Variants in TJAP1 observed in about 807,000 individuals in gnomAD.
TJAP1 encodes the protein tight junction-associated protein 1.
TJAP1 carries 27 observed loss-of-function variants against 42.0 expected under a neutral mutation model. That is an observed-to-expected ratio of 0.64 (90% CI 0.47 to 0.89). The LOEUF is 0.89. TJAP1 is among the 40% of genes least tolerant of loss of function. TJAP1 has a pLI of 0.00. For missense variants in TJAP1, 712 were observed against 726.9 expected (o/e 0.98, Z 0.24); for synonymous variants, 257 against 288.4 (o/e 0.89, Z 1.10).
At position 43,502,267 on chromosome 6, in the gene TJAP1, T is replaced by C. The variant is rs781218669; in HGVS notation, c.291-16T>C. 1 of 1,613,648 alleles carries C rather than the reference T, an allele frequency of 6.2e-7. No individual in the cohort carries two copies. The highest frequency in any genetic ancestry group is 1.7e-5 in the Admixed American group (1 of 60,002). Reference sequence around the variant, plus strand: ...GATCTTGACCCAGGGATGTGCCTTGTATTATCCCTTTTCAGGCTGCAGAAC... The same window carrying C: ...GATCTTGACCCAGGGATGTGCCTTGCATTATCCCTTTTCAGGCTGCAGAAC... On this transcript the variant is annotated splice_polypyrimidine_tract_variant and intron_variant, in intron 6 of 10. Transcript: ENST00000372449.
chr6:43,489,080 G>A (rs1298551356), intron 2 of TJAP1, among the ~76,000 whole-genome samples: 1 of 152,144 alleles, frequency 6.6e-6, no homozygotes, highest in Non-Finnish European at 1.5e-5. Context: ...AAGCATCAGT[G>A]GGTGTGGATA....
chr6:43,500,842 G>C (rs1400077537), intron 5 of TJAP1, 70 bp downstream of exon 5: 6 of 1,576,164 alleles, frequency 3.8e-6, no homozygotes, highest in Non-Finnish European at 4.4e-6. Flanking sequence ...CTAGACTGTT[G>C]GTACAGTTGG....
In TJAP1 at chr6:43,491,124, C is replaced by T. The variant is rs1307116495; in HGVS notation, c.-121-6757C>T. On this transcript the variant is annotated intron_variant, in intron 2 of 10. Coordinates refer to ENST00000372449, the Ensembl canonical transcript of TJAP1. This position sits in a 1 kb window ranked among gnomAD's most constrained non-coding sequence, Gnocchi z 4.6. ...CCTTGGGCTGGGTGAGAGAAGGCAG[C>T]AGCCTACCAGCACTGGGTGGGAGCT... Among the ~76,000 whole-genome samples the T allele has an allele frequency of 1.3e-5, 2 of 152,054 alleles. No individual in the cohort carries two copies. The highest frequency in any genetic ancestry group is 2.9e-5 in the Non-Finnish European group (2 of 68,020).
chr6:43,484,451 C>T (rs969546564), intron 2 of TJAP1, among the ~76,000 whole-genome samples: 1 of 152,102 alleles, frequency 6.6e-6, no homozygotes, highest in African/African-American at 2.4e-5. Context: ...AAGAGCGAGA[C>T]TTCATCTCAA....
rs1184812486 is a variant in TJAP1 at position 43,499,065 on chromosome 6, C to T, written c.64C>T (p.Arg22Cys). ...GGCACCACCAGAGCATCGGGAGCTG[C>T]GTTTGGAAATTCCTGGATCCCGGCT... Residue 22 changes from arginine to cysteine, a missense_variant, in exon 4 of 11, where the codon CGT becomes TGT. Transcript: ENST00000372449. 3.7e-6 allele frequency: 6 copies of T among 1,614,046 alleles called. No homozygotes were observed. The highest frequency in any genetic ancestry group is 3.3e-5 in the South Asian group (3 of 91,082).
At chr6:43,498,985 A>G (rs1244627364) in exon 4 of TJAP1, 1 of 1,613,008 alleles carries the variant, frequency 6.2e-7, no homozygotes, top group South Asian at 1.1e-5. Context: ...CAGGCGGAGG[A>G]GCCGTCACCT....
intron 4 of TJAP1, among the ~76,000 whole-genome samples, chr6:43,500,212 G>T (rs1790213953): frequency 6.6e-6 from 1 of 151,944 alleles, no homozygotes; most frequent in Non-Finnish European, 1.5e-5. Context: ...GAGGTTAAAA[G>T]ACAGACAAGG....
At chr6:43,485,397 T>G (rs1198542323) in intron 2 of TJAP1, among the ~76,000 whole-genome samples, 2 of 152,144 alleles carry the variant, frequency 1.3e-5, no homozygotes, top group Non-Finnish European at 2.9e-5. Flanking sequence ...TCTAGTGTAG[T>G]TGATGGGGGT....
At chr6:43,497,412 C>T (rs1789457444) in intron 2 of TJAP1, 1 of 152,234 alleles carries the variant, frequency 6.6e-6, no homozygotes, top group African/African-American at 2.4e-5. Context: ...CACCAAATAG[C>T]CTTGGGCCTC....
intron 2 of TJAP1, among the ~76,000 whole-genome samples, chr6:43,496,441 C>T (rs1331371187): frequency 1.3e-5 from 2 of 152,234 alleles, no homozygotes; most frequent in African/African-American, 4.8e-5. Context: ...ACCCGGATTC[C>T]TGTGCAGGGA....
chr6:43,504,850 A>AG lies in TJAP1; in HGVS notation c.673dup (p.Ala225GlyfsTer34). The AG allele has an allele frequency of 1.2e-6, 2 of 1,614,156 alleles. No individual in the cohort carries two copies. The highest frequency in any genetic ancestry group is 1.7e-6 in the Non-Finnish European group (2 of 1,180,016). ...CAGGTCCTGCTCCCAGCCTAGCCCC[A>AG]GGGGCTGTGGTGCCTACCTCAGTCA... On this transcript the variant is annotated frameshift_variant, in exon 11 of 11. Transcript: ENST00000372449. LOFTEE classifies it high-confidence loss of function.
chr6:43,496,233 A>G (rs1014262452), intron 2 of TJAP1, among the ~76,000 whole-genome samples: 4 of 151,902 alleles, frequency 2.6e-5, no homozygotes, highest in African/African-American at 7.3e-5. Context: ...CTGTTTTCCA[A>G]CTCACGCACC....
rs1348353390 is a variant in TJAP1, at chr6:43,505,682, C to T, written c.1501C>T (p.Pro501Ser). ...TGAGGAAGAGCGCCAGAGCCTGCTG[C>T]CCATTAACAGGGGCACAGAGGAGGG... is the stretch of plus-strand genomic sequence containing the variant. Residue 501 changes from proline to serine, a missense_variant, in exon 11 of 11, where the codon CCC becomes TCC. Around this residue, in one of 3 missense-constraint regions of TJAP1, gnomAD observed 549 missense variants for 528.2 expected, o/e 1.04. Transcript: ENST00000372449. The surrounding 1 kb of genome is among the most constrained non-coding windows in gnomAD (Gnocchi z 5.5). The T allele has an allele frequency of 6.2e-7, 1 of 1,605,624 alleles. No homozygotes were observed. The highest frequency in any genetic ancestry group is 1.1e-5 in the South Asian group (1 of 90,698).
chr6:43,487,059 G>C (rs1422007600), intron 2 of TJAP1, among the ~76,000 whole-genome samples: 1 of 152,150 alleles, frequency 6.6e-6, no homozygotes. Context: ...GGATATCTTA[G>C]GCTTCAAGGG....
intron 2 of TJAP1, among the ~76,000 whole-genome samples, chr6:43,485,807 C>T (rs1786332916): frequency 6.6e-6 from 1 of 152,322 alleles, no homozygotes; most frequent in Non-Finnish European, 1.5e-5. Flanking sequence ...TGGAATCTAT[C>T]TGGCAAAACC....
rs1450960944 is a variant in TJAP1 at position 43,502,659 on chromosome 6, TCTC to T, written c.387+46_387+48del. 10 of 1,549,866 alleles carry T rather than the reference TCTC, an allele frequency of 6.5e-6. No homozygotes were observed. In the Admixed American group the frequency reaches 1.4e-4, roughly 21 times the overall value. On this transcript the variant is annotated intron_variant, in intron 8 of 10. Coordinates refer to ENST00000372449, the Ensembl canonical transcript of TJAP1. Reference sequence around the variant, plus strand: ...TGTGTCTTCTCCCTTGCCCTGGCCTTCTCCTCAGCTGAGATCTGGGATTGTGGG... The same window carrying T: ...TGTGTCTTCTCCCTTGCCCTGGCCTTCTCAGCTGAGATCTGGGATTGTGGG...
intron 2 of TJAP1, among the ~76,000 whole-genome samples, chr6:43,481,455 A>G (rs1785278762): frequency 6.6e-6 from 1 of 151,500 alleles, no homozygotes; most frequent in African/African-American, 2.4e-5. Context: ...TAGTCTGGAT[A>G]TAATTTTTAA....
rs1428024196 is a variant in TJAP1 at position 43,502,059 on chromosome 6, C to CAT, written c.291-223_291-222insTA. ...GTGGGAATGCGGGGACACACACACA[C>CAT]ACACACACACACACACACTCTCTCT... On this transcript the variant is annotated intron_variant, in intron 6 of 10. Transcript: ENST00000372449. Among the ~76,000 whole-genome samples, 135 of 124,172 alleles carry CAT rather than the reference C, an allele frequency of 1.1e-3. 9 individuals carry two copies. The highest frequency in any genetic ancestry group is 4.4e-3 in the African/African-American group (124 of 28,010). 81.5% of individuals were successfully genotyped at this position (124,172 alleles called of 152,430 possible). A position where few individuals can be genotyped will look rare whatever the true frequency, so the allele number is the denominator to read the frequency against.
chr6:43,491,813 A>G lies in TJAP1; in HGVS notation c.-121-6068A>G, dbSNP rs1787887133. 6.6e-6 allele frequency among the ~76,000 whole-genome samples: 1 copy of G among 152,242 alleles called. No homozygotes were observed. Among genetic ancestry groups the G allele is most frequent in the African/African-American group, 2.4e-5 (1 of 41,458 alleles). ...TATTATATATGAGTGTACTATGTAC[A>G]AATAAACATTTATAGTACTATATAT... On this transcript the variant is annotated intron_variant, in intron 2 of 10. Transcript: ENST00000372449. The surrounding 1 kb of genome is among the most constrained non-coding windows in gnomAD (Gnocchi z 4.6).
Sources: gnomAD v4.1 joint callset for allele counts (sites outside exome capture counted in the v4.1 genomes callset) on GRCh38, gnomAD v4.1.1 for gene constraint, gnomAD v4.1.1 regional missense constraint, Gnocchi (gnomAD v3.1) non-coding constraint, MANE v1.5 for transcripts, NCBI Gene and HGNC (gene_info 2026-07-23, HGNC 2026-07-21) for gene names.